Variants in FGF13 observed in about 807,000 individuals in gnomAD.
FGF13 encodes fibroblast growth factor homologous factor 2.
Under a neutral mutation model 19.5 loss-of-function variants are expected in FGF13, and 2 were observed. That is an observed-to-expected ratio of 0.10 (90% confidence interval 0.04 to 0.32). FGF13 has a LOEUF of 0.32. Among genes scored for constraint, FGF13 ranks in the 10% least tolerant of loss-of-function variants. The probability of loss-of-function intolerance (pLI) is 1.00; values close to 1 mark genes in which losing one functional copy is unlikely to be tolerated. For synonymous variants in FGF13, 72 were observed against 76.9 expected, an observed-to-expected ratio of 0.94 and a Z score of 0.33; for missense variants, 113 against 192.7, an observed-to-expected ratio of 0.59 and a Z score of 2.45.
chrX:138,761,552 C>T (rs1371464017), intron 3 of FGF13, among the ~76,000 whole-genome samples: 1 of 111,288 alleles, frequency 9.0e-6, no homozygotes, highest in Non-Finnish European at 1.9e-5. Context: ...AAAAGCAAAT[C>T]AATACTGCAC....
At chrX:139,048,807 A>G (rs1051420628) in intron 1 of FGF13, among the ~76,000 whole-genome samples, 1 of 111,187 alleles carries the variant, frequency 9.0e-6, no homozygotes, top group African/African-American at 3.3e-5. Flanking sequence ...AAATGATTTT[A>G]TAGTTGAATC....
chrX:139,044,181 A>G (rs1423814378), intron 1 of FGF13, among the ~76,000 whole-genome samples: 1 of 112,204 alleles, frequency 8.9e-6, no homozygotes, highest in African/African-American at 3.3e-5. Context: ...GCTATAAATA[A>G]ATACCTAAGA....
At chrX:138,807,706 G>C (rs952649092) in intron 3 of FGF13, among the ~76,000 whole-genome samples, 1 of 111,538 alleles carries the variant, frequency 9.0e-6, no homozygotes, top group African/African-American at 3.3e-5. Flanking sequence ...CCCATCTCAT[G>C]TGCAGAGACA....
rs59636336 is a variant in FGF13, at chrX:138,980,675, G to GTTT, written c.-112-116028_-112-116026dup. 9.0e-4 allele frequency among the ~76,000 whole-genome samples: 76 copies of GTTT among 84,916 alleles called. 1 individual carries two copies. Among genetic ancestry groups the GTTT allele is most frequent in the African/African-American group, 3.0e-3 (68 of 22,766 alleles). The allele number at this position is 84,916 out of a possible 115,157, so 73.7% of individuals were successfully genotyped here. A position where few individuals can be genotyped will look rare whatever the true frequency, so the allele number is the denominator to read the frequency against. ...CACTATGGATGCTTCCAGAAGTGTG[G>GTTT]TTTTTTTTTTTTTTTTTTTTTTGCA... On this transcript the variant is annotated intron_variant, in intron 1 of 2. Coordinates refer to the FGF13 transcript ENST00000421460.
At chrX:139,010,675 T>C (rs891949000) in intron 1 of FGF13, among the ~76,000 whole-genome samples, 3 of 111,272 alleles carry the variant, frequency 2.7e-5, no homozygotes, top group Non-Finnish European at 5.7e-5. Context: ...GGAAAGTTCA[T>C]AGCATTAAAT....
chrX:139,070,922 G>A (rs780521677), intron 1 of FGF13, among the ~76,000 whole-genome samples: 2 of 111,092 alleles, frequency 1.8e-5, no homozygotes, highest in South Asian at 7.7e-4. Flanking sequence ...TCACTCATAA[G>A]TGGGAGTTGA....
At chrX:138,869,262 T>C (rs2091345395) in intron 1 of FGF13, among the ~76,000 whole-genome samples, 1 of 112,039 alleles carries the variant, frequency 8.9e-6, no homozygotes, top group African/African-American at 3.2e-5. Flanking sequence ...ACTGACCTTT[T>C]GGCAAAAACC....
intron 1 of FGF13, among the ~76,000 whole-genome samples, chrX:138,918,025 C>A (rs184566075): frequency 1.8e-5 from 2 of 111,441 alleles, no homozygotes; most frequent in East Asian, 5.6e-4. Context: ...TTTATAGAGT[C>A]TGATCCATCT....
At chrX:138,938,824 ACTGT>A (rs1329363091) in intron 1 of FGF13, among the ~76,000 whole-genome samples, 1 of 111,844 alleles carries the variant, frequency 8.9e-6, no homozygotes, top group Non-Finnish European at 1.9e-5. Context: ...CTTCCAAGAA[ACTGT>A]CTAATTACAA....
At chrX:139,049,340 G>A (rs1024554122) in intron 1 of FGF13, among the ~76,000 whole-genome samples, 7 of 110,865 alleles carry the variant, frequency 6.3e-5, no homozygotes, top group African/African-American at 2.3e-4. Flanking sequence ...CTCTCATACT[G>A]AGAGATCTAT....
intron 2 of FGF13, 21 bp from the exon 3 acceptor site, chrX:138,703,108 G>T (rs1471664415): frequency 2.7e-6 from 3 of 1,097,838 alleles, no homozygotes; most frequent in African/African-American, 1.8e-5. Flanking sequence ...AAAAGAAAAT[G>T]AAAACAGTGT....
chrX:139,030,912 C>G (rs980721575), intron 1 of FGF13, among the ~76,000 whole-genome samples: 1 of 112,203 alleles, frequency 8.9e-6, no homozygotes, highest in African/African-American at 3.2e-5. Flanking sequence ...TCCAGGGAAG[C>G]ATAGTCCACC....
intron 2 of FGF13, among the ~76,000 whole-genome samples, chrX:138,864,399 G>T (rs2091305819): frequency 8.9e-6 from 1 of 112,598 alleles, no homozygotes; most frequent in African/African-American, 3.2e-5. Flanking sequence ...ACACATCAGT[G>T]GGGTCTTTAC....
intron 3 of FGF13, among the ~76,000 whole-genome samples, chrX:138,763,721 G>A (rs1367386966): frequency 9.0e-6 from 1 of 111,676 alleles, no homozygotes; most frequent in Non-Finnish European, 1.9e-5. Flanking sequence ...TAAGTCACCA[G>A]CTGTAAAACA....
At chrX:138,721,682 CCT>C (rs902399936) in intron 1 of FGF13, among the ~76,000 whole-genome samples, 6 of 110,102 alleles carry the variant, frequency 5.4e-5, no homozygotes, top group African/African-American at 2.0e-4. Context: ...TCACTGATCC[CCT>C]CTTTAGCTGG....
At chrX:139,119,088 G>C (rs2083659508) in intron 1 of FGF13, among the ~76,000 whole-genome samples, 1 of 111,647 alleles carries the variant, frequency 9.0e-6, no homozygotes, top group African/African-American at 3.3e-5. Context: ...TGTAGTCCCA[G>C]CTACTCTGGA....
chrX:138,899,319 C>A, intron 1 of FGF13, among the ~76,000 whole-genome samples: 1 of 111,083 alleles, frequency 9.0e-6, no homozygotes, highest in East Asian at 2.8e-4. Flanking sequence ...ATACAAATTT[C>A]AATGTCATGG....
chrX:138,655,618 T>C (rs2089428537), intron 3 of FGF13, among the ~76,000 whole-genome samples: 1 of 111,282 alleles, frequency 9.0e-6, no homozygotes, highest in Non-Finnish European at 1.9e-5. Context: ...TTGATGAATG[T>C]GGGTGACAGT....
chrX:139,187,049 C>G (rs2084288110), intron 1 of FGF13, among the ~76,000 whole-genome samples: 1 of 112,934 alleles, frequency 8.9e-6, no homozygotes, highest in African/African-American at 3.2e-5. Flanking sequence ...AGGGCAGGGA[C>G]ACTCTGTAGC....
Sources: allele counts gnomAD v4.1 joint callset (sites outside exome capture counted in the v4.1 genomes callset), GRCh38; gene constraint gnomAD v4.1.1; transcripts MANE v1.5; gene names NCBI Gene and HGNC (gene_info 2026-07-23, HGNC 2026-07-21).